KCNJ12: variants seen among roughly 807,000 people sequenced by gnomAD.
KCNJ12 encodes potassium inwardly rectifying channel subfamily J member 12.
Under a neutral mutation model 22.3 loss-of-function variants are expected in KCNJ12, and 2 were observed. The observed-to-expected ratio is 0.09, with a 90% CI of 0.04 to 0.28. The LOEUF is 0.28. Among genes scored for constraint, KCNJ12 ranks in the 10% least tolerant of loss-of-function variants. KCNJ12 has a pLI of 1.00. For synonymous variants in KCNJ12, 117 were observed against 261.4 expected, an observed-to-expected ratio of 0.45 and a Z score of 5.33; for missense variants, 155 against 633.3, an observed-to-expected ratio of 0.24 and a Z score of 8.11.
chr17:21,407,838 TCCTC>T (rs1380725251), intron 1 of KCNJ12, among the ~76,000 whole-genome samples: 1 of 750 alleles, frequency 1.3e-3, no homozygotes, highest in African/African-American at 3.8e-3. Flanking sequence ...CATCCATCCT[TCCTC>T]CATACAGCCA....
chr17:21,387,457 A>G (rs1285640297), intron 1 of KCNJ12, among the ~76,000 whole-genome samples: 1 of 151,290 alleles, frequency 6.6e-6, no homozygotes, highest in Non-Finnish European at 1.5e-5. Context: ...AAAAAAAAAA[A>G]AAAAAAAAGA....
chr17:21,391,580 C>T (rs1026083573), intron 1 of KCNJ12, among the ~76,000 whole-genome samples: 3 of 152,252 alleles, frequency 2.0e-5, no homozygotes, highest in Middle Eastern at 3.2e-3. Flanking sequence ...TGCGGCGCTC[C>T]GCCCAGCCCT....
intron 1 of KCNJ12, among the ~76,000 whole-genome samples, chr17:21,382,412 C>G (rs1337710859): frequency 6.6e-6 from 1 of 152,204 alleles, no homozygotes. Context: ...GACAGTGTCT[C>G]TGTTTCTTGC....
intron 1 of KCNJ12, among the ~76,000 whole-genome samples, chr17:21,383,446 G>A (rs565386885): frequency 1.2e-4 from 18 of 152,310 alleles, no homozygotes; most frequent in South Asian, 4.1e-4. Flanking sequence ...CGGAGGGGGC[G>A]GGTCCTGGCA....
intron 1 of KCNJ12, among the ~76,000 whole-genome samples, chr17:21,378,132 C>T (rs1904731699): frequency 6.6e-6 from 1 of 152,222 alleles, no homozygotes; most frequent in African/African-American, 2.4e-5. Context: ...TAGCCTTCGC[C>T]CCCTCTGAGA....
At chr17:21,407,954 C>G (rs1396351580) in intron 1 of KCNJ12, among the ~76,000 whole-genome samples, 1 of 151,412 alleles carries the variant, frequency 6.6e-6, no homozygotes, top group Non-Finnish European at 1.5e-5. Flanking sequence ...ATCCACCTAC[C>G]CATTCATCCC....
intron 1 of KCNJ12, among the ~76,000 whole-genome samples, chr17:21,382,737 G>T (rs1222855710): frequency 6.6e-6 from 1 of 152,164 alleles, no homozygotes; most frequent in Non-Finnish European, 1.5e-5. Context: ...CTGGGCCTCA[G>T]CCAGGTGTGC....
At chr17:21,380,773 G>C (rs562109175) in intron 1 of KCNJ12, among the ~76,000 whole-genome samples, 45 of 152,110 alleles carry the variant, frequency 3.0e-4, no homozygotes, top group African/African-American at 1.0e-3. Flanking sequence ...AGGGCAGCGA[G>C]TTGCTGTAGC....
chr17:21,406,011 G>A (rs1390609179), intron 1 of KCNJ12, among the ~76,000 whole-genome samples: 5 of 152,404 alleles, frequency 3.3e-5, no homozygotes, highest in African/African-American at 1.2e-4. Context: ...TGAGGGACGA[G>A]GTTGGGAGAG....
chr17:21,382,438 A>G (rs1008138607), intron 1 of KCNJ12, among the ~76,000 whole-genome samples: 4 of 152,302 alleles, frequency 2.6e-5, no homozygotes, highest in Admixed American at 6.5e-5. Flanking sequence ...TAAGCATTCC[A>G]GACTCCCCAC....
rs1291518272 is a variant in KCNJ12, at chr17:21,419,057, G to GTATT, written c.*2430_*2433dup. 10 of 166,840 alleles carry GTATT rather than the reference G, an allele frequency of 6.0e-5. No homozygotes were observed. Among genetic ancestry groups the GTATT allele is most frequent in the South Asian group, 4.1e-4 (2 of 4,822 alleles). 10.3% of individuals were successfully genotyped at this position (166,840 alleles called of 1,614,324 possible). A position where few individuals can be genotyped will look rare whatever the true frequency, so the allele number is the denominator to read the frequency against. On this transcript the variant is annotated 3_prime_UTR_variant, in exon 3 of 3. Transcript: ENST00000583088. ...TCCTGCCCTCTTTCTTCCTTCCCTC[G>GTATT]TATTTATTTATTTATTTATTGCTTG...
chr17:21,399,996 G>A (rs1905516152), intron 1 of KCNJ12, among the ~76,000 whole-genome samples: 1 of 152,160 alleles, frequency 6.6e-6, no homozygotes, highest in African/African-American at 2.4e-5. Flanking sequence ...CGTGCAAAGC[G>A]GTATGGGGTC....
At chr17:21,403,671 C>T (rs1178669768) in intron 1 of KCNJ12, among the ~76,000 whole-genome samples, 1 of 152,256 alleles carries the variant, frequency 6.6e-6, no homozygotes, top group African/African-American at 2.4e-5. Flanking sequence ...GCCTGTGACT[C>T]TCTGCAGGGT....
In KCNJ12 at chr17:21,415,274, G is replaced by A. The variant is rs59891808; in HGVS notation, c.-56-13G>A. Reference sequence around the variant, plus strand: ...CACCAGCCCAGCCAGACATGCTGTCGTCTCTGTTGCAGGAGCCGCCCTGCC... The same window carrying A: ...CACCAGCCCAGCCAGACATGCTGTCATCTCTGTTGCAGGAGCCGCCCTGCC... On this transcript the variant is annotated splice_polypyrimidine_tract_variant and intron_variant, in intron 2 of 2. Transcript: ENST00000583088. 1.2e-3 allele frequency: 1,703 copies of A among 1,448,756 alleles called. 2 individuals carry two copies. The African/African-American group carries it at 0.021, about 18-fold the overall frequency. 89.7% of individuals were successfully genotyped at this position (1,448,756 alleles called of 1,614,324 possible).
intron 1 of KCNJ12, among the ~76,000 whole-genome samples, chr17:21,407,558 A>C (rs1162904176): frequency 3.3e-4 from 48 of 147,190 alleles, no homozygotes; most frequent in African/African-American, 1.1e-3. Context: ...CTATCCATCC[A>C]TCCACCCACC....
Position 21,415,384 on chromosome 17 carries a change from A to C in KCNJ12, c.42A>C (p.Ser14=), listed in dbSNP as rs147000990. 3.1e-6 allele frequency: 5 copies of C among 1,612,546 alleles called. No individual in the cohort carries two copies. The South Asian group carries it at 5.5e-5, about 18-fold the overall frequency. ...ASRANPYSIV[S]SEEDGLHLVT... ...GGGCCAACCCCTACAGCATCGTGTCATCGGAGGAGGACGGGCTGCACCTGG... is the reference window on the plus strand; with the variant it reads ...GGGCCAACCCCTACAGCATCGTGTCCTCGGAGGAGGACGGGCTGCACCTGG... The change falls in exon 3 of 3, where the codon TCA becomes TCC. Residue 14 remains serine (S), a synonymous_variant. Transcript: ENST00000583088.
intron 1 of KCNJ12, among the ~76,000 whole-genome samples, chr17:21,404,844 C>T (rs1216666450): frequency 3.9e-4 from 60 of 152,368 alleles, no homozygotes; most frequent in Non-Finnish European, 7.5e-4. Context: ...GTGTGACTGT[C>T]GTCCACTCTG....
rs141373192 is a variant in KCNJ12 at position 21,381,275 on chromosome 17, G to A, written c.-179+4362G>A. On this transcript the variant is annotated intron_variant, in intron 1 of 2. Coordinates refer to ENST00000583088, the MANE Select transcript of KCNJ12 (RefSeq NM_021012.5). ...AGGCCTCTTTGAAGGACTCAGGCTT[G>A]GAGAGGGGCCAGGGAACAAACAATA... Among the ~76,000 whole-genome samples the A allele has an allele frequency of 1.6e-4, 25 of 152,268 alleles. 1 individual carries two copies. Among genetic ancestry groups the A allele is most frequent in the African/African-American group, 5.3e-4 (22 of 41,546 alleles).
chr17:21,404,668 G>T (rs1905826134), intron 1 of KCNJ12, among the ~76,000 whole-genome samples: 2 of 152,232 alleles, frequency 1.3e-5, no homozygotes, highest in African/African-American at 4.8e-5. Context: ...ATGGGGCAGT[G>T]TCTGCGATGG....
Sources: allele counts gnomAD v4.1 joint callset (sites outside exome capture counted in the v4.1 genomes callset), GRCh38; gene constraint gnomAD v4.1.1; transcripts MANE v1.5; gene names NCBI Gene and HGNC (gene_info 2026-07-23, HGNC 2026-07-21).